The following DNAH9 variants were observed in gnomAD, a reference collection of about 807,000 sequenced individuals.
The protein encoded by DNAH9 is DNAH9 variant protein.
A neutral mutation model predicts 471.6 loss-of-function variants in DNAH9; 345 were observed. The ratio of observed to expected loss-of-function variants is 0.73; its 90% CI spans 0.67 to 0.80. The LOEUF (loss-of-function observed/expected upper bound fraction) is 0.80, where lower values mean the gene tolerates loss of function less well. DNAH9 is among the 30% of genes least tolerant of loss of function. The pLI, the probability that DNAH9 is intolerant of heterozygous loss-of-function variation, is 0.00. For missense variants in DNAH9, 5,407 were observed against 5,609.2 expected (o/e 0.96, Z 1.15); for synonymous variants, 2,093 against 2,123.6 (o/e 0.99, Z 0.40).
chr17:11,953,965 T>C (rs140638330), intron 67 of DNAH9: 7 of 152,018 alleles, frequency 4.6e-5, no homozygotes, highest in Non-Finnish European at 1.0e-4. Context: ...AATATTGATA[T>C]GAAAAAATGA....
Position 11,679,841 on chromosome 17 carries a change from T to G in DNAH9, c.3438T>G (p.Val1146=). The G allele has an allele frequency of 6.2e-7, 1 of 1,614,104 alleles. No individual in the cohort carries two copies. The highest frequency in any genetic ancestry group is 1.3e-5 in the African/African-American group (1 of 75,038). ...KVEKGDFQGL[V]EIMGHLMAVK... ...AAAAAGGAGATTTCCAAGGCTTGGT[T>G]GAGATCATGGGACACCTTATGGCTG... Residue 1146 remains valine (V), a synonymous_variant, in exon 18 of 69, where the codon GTT becomes GTG. Coordinates refer to ENST00000262442, the MANE Select transcript of DNAH9 (RefSeq NM_001372.4).
At chr17:11,810,786 G>C (rs34487424) in intron 45 of DNAH9, among the ~76,000 whole-genome samples, 94 of 152,110 alleles carry the variant, frequency 6.2e-4, no homozygotes, top group Admixed American at 2.4e-3. Context: ...GCATGCACGC[G>C]TAAAACTTAC....
At chr17:11,762,770 G>GTTTTTTTTGTTT (rs1555584658) in intron 35 of DNAH9, among the ~76,000 whole-genome samples, 2 of 90,742 alleles carry the variant, frequency 2.2e-5, no homozygotes, top group African/African-American at 8.2e-5. Flanking sequence ...TTTTTTTTTT[G>GTTTTTTTTGTTT]TTTTTTTTTT....
At chr17:11,670,376 G>C (rs952267571) in intron 17 of DNAH9, among the ~76,000 whole-genome samples, 1 of 152,014 alleles carries the variant, frequency 6.6e-6, no homozygotes, top group African/African-American at 2.4e-5. Context: ...ACAGTCCCCC[G>C]GTCACTTTAC....
chr17:11,603,493 T>G (rs2072429915), intron 1 of DNAH9, among the ~76,000 whole-genome samples: 1 of 152,198 alleles, frequency 6.6e-6, no homozygotes, highest in Non-Finnish European at 1.5e-5. Context: ...AGAGGTAAAC[T>G]GTTTGTGCTG....
chr17:11,613,236 A>C (rs940761463), intron 4 of DNAH9, among the ~76,000 whole-genome samples: 2 of 152,178 alleles, frequency 1.3e-5, no homozygotes, highest in African/African-American at 4.8e-5. Context: ...TTTTGTTCCC[A>C]GTTTACACTT....
chr17:11,643,719 C>T lies in DNAH9; in HGVS notation c.1902-912C>T, dbSNP rs144998950. Among the ~76,000 whole-genome samples the T allele has an allele frequency of 5.9e-4, 90 of 152,150 alleles. 1 individual carries two copies. In the East Asian group the frequency reaches 0.015, roughly 25 times the overall value. On this transcript the variant is annotated intron_variant, in intron 10 of 68. Coordinates refer to ENST00000262442, the MANE Select transcript of DNAH9 (RefSeq NM_001372.4). ...TGATCAATATGCTCTATGATCAATA[C>T]GTTCTATGATCAATACGCTTTATGG...
chr17:11,688,296 A>G (rs1476116372), intron 19 of DNAH9, among the ~76,000 whole-genome samples: 1 of 152,128 alleles, frequency 6.6e-6, no homozygotes, highest in Non-Finnish European at 1.5e-5. Flanking sequence ...CTAAAAAGCT[A>G]GAAATGGTGC....
chr17:11,792,509 C>T (rs1456106131), intron 41 of DNAH9, among the ~76,000 whole-genome samples: 1 of 152,082 alleles, frequency 6.6e-6, no homozygotes, highest in African/African-American at 2.4e-5. Context: ...TGGTCTCCAC[C>T]TTTCAGTAAA....
chr17:11,888,127 T>A (rs536543595), intron 57 of DNAH9, among the ~76,000 whole-genome samples: 1 of 151,838 alleles, frequency 6.6e-6, no homozygotes, highest in East Asian at 2.0e-4. Flanking sequence ...GGACTACAGG[T>A]GCCCACCACC....
chr17:11,754,901 G>T (rs536056907), intron 33 of DNAH9, among the ~76,000 whole-genome samples: 1 of 152,034 alleles, frequency 6.6e-6, no homozygotes, highest in African/African-American at 2.4e-5. Flanking sequence ...AAATCTTTGC[G>T]CATTCTTATG....
intron 50 of DNAH9, among the ~76,000 whole-genome samples, chr17:11,862,717 C>G (rs1971905016): frequency 6.6e-6 from 1 of 152,168 alleles, no homozygotes; most frequent in Non-Finnish European, 1.5e-5. Context: ...TTGTAGTTCT[C>G]CCTGAAGAGG....
At chr17:11,857,755 T>C (rs1317419918) in intron 50 of DNAH9, among the ~76,000 whole-genome samples, 1 of 152,134 alleles carries the variant, frequency 6.6e-6, no homozygotes, top group Non-Finnish European at 1.5e-5. Flanking sequence ...CCTTTATAGT[T>C]TGGTGCTGTC....
intron 50 of DNAH9, among the ~76,000 whole-genome samples, chr17:11,868,054 G>A (rs1371647597): frequency 6.6e-6 from 1 of 152,188 alleles, no homozygotes; most frequent in East Asian, 1.9e-4. Context: ...TGCTCCAGCG[G>A]TCTCCACTTC....
rs1466199572 is a variant in DNAH9, at chr17:11,937,480, C to G, written c.12618C>G (p.Asp4206Glu). 5.6e-6 allele frequency: 9 copies of G among 1,613,820 alleles called. No homozygotes were observed. The highest frequency in any genetic ancestry group is 7.6e-6 in the Non-Finnish European group (9 of 1,179,796). The change falls in exon 66 of 69, where the codon GAC (aspartate) becomes GAG (glutamate). Residue 4206 changes from aspartate (D) to glutamate (E), a missense_variant. This residue lies in a region of DNAH9 where 4,636 missense variants were observed against 4,900.3 expected (regional missense o/e 0.95). Coordinates refer to ENST00000262442, the MANE Select transcript of DNAH9 (RefSeq NM_001372.4). This position sits in a 1 kb window ranked among gnomAD's most constrained non-coding sequence, Gnocchi z 4.1. ...CTGTGCTGGAGCTGCAGCCTCGGGA[C>G]AGCCAGGCCAGAGACGGAGCGGGCG... ...FRTVLELQPR[D>E]SQARDGAGAT... is the part of the protein sequence containing the mutation.
chr17:11,759,517 C>CTTTTTTTTTTTTTTTT (rs1157505657), intron 35 of DNAH9, among the ~76,000 whole-genome samples: 8 of 83,970 alleles, frequency 9.5e-5, no homozygotes, highest in Admixed American at 1.7e-4. Flanking sequence ...ATACACACCA[C>CTTTTTTTTTTTTTTTT]TTTTTTTTTT....
At chr17:11,776,511 A>G (rs1479198234) in intron 38 of DNAH9, among the ~76,000 whole-genome samples, 1 of 152,180 alleles carries the variant, frequency 6.6e-6, no homozygotes, top group Non-Finnish European at 1.5e-5. Context: ...GAGGTTGGAA[A>G]TGGTGTCCAG....
At chr17:11,856,493 A>T (rs1028522217) in intron 50 of DNAH9, among the ~76,000 whole-genome samples, 4 of 151,396 alleles carry the variant, frequency 2.6e-5, no homozygotes, top group Admixed American at 1.3e-4. Context: ...AGGCCGGGAG[A>T]TCGAGACCAT....
chr17:11,834,899 G>A lies in DNAH9; in HGVS notation c.9507+1G>A. On this transcript the variant is annotated splice_donor_variant, in intron 49 of 68. Coordinates refer to ENST00000262442, the MANE Select transcript of DNAH9 (RefSeq NM_001372.4). LOFTEE classifies it high-confidence loss of function. ...GGCAGCTCTCAACACCCTGAACAAG[G>A]TAGGAGGACTGTCTGCCATACCTGC... 1 of 1,611,942 alleles carries A rather than the reference G, an allele frequency of 6.2e-7. No homozygotes were observed. Among genetic ancestry groups the A allele is most frequent in the Non-Finnish European group, 8.5e-7 (1 of 1,179,372 alleles).
Sources: allele counts gnomAD v4.1 joint callset (sites outside exome capture counted in the v4.1 genomes callset), GRCh38; gene constraint gnomAD v4.1.1; regional missense constraint gnomAD v4.1.1; non-coding constraint Gnocchi (gnomAD v3.1); transcripts MANE v1.5; gene names NCBI Gene and HGNC (gene_info 2026-07-23, HGNC 2026-07-21).